The following IGF1R variants were observed in gnomAD, a reference collection of about 807,000 sequenced individuals.
The protein encoded by IGF1R is insulin like growth factor 1 receptor.
IGF1R carries 44 observed loss-of-function variants against 144.6 expected under a neutral mutation model. The observed-to-expected ratio is 0.30, with a 90% CI of 0.24 to 0.39. The LOEUF (loss-of-function observed/expected upper bound fraction) is 0.39. Ranked by LOEUF, IGF1R falls within the 10% of genes least tolerant of loss-of-function variation. The probability of loss-of-function intolerance (pLI) is 1.00; values close to 1 mark genes in which losing one functional copy is unlikely to be tolerated. For missense variants in IGF1R, 1,355 were observed against 1,833.7 expected, an observed-to-expected ratio of 0.74 and a Z score of 4.77; for synonymous variants, 795 against 722.8, an observed-to-expected ratio of 1.10 and a Z score of -1.60.
chr15:98,875,546 CT>C (rs531702468), intron 2 of IGF1R, among the ~76,000 whole-genome samples: 169 of 144,270 alleles, frequency 1.2e-3, no homozygotes, highest in Admixed American at 1.3e-3. Context: ...TGTGTATGAA[CT>C]TTTTTTTTTT....
At chr15:98,855,830 T>C (rs1304324375) in intron 2 of IGF1R, among the ~76,000 whole-genome samples, 1 of 152,210 alleles carries the variant, frequency 6.6e-6, no homozygotes, top group African/African-American at 2.4e-5. Context: ...GCACTGTGTT[T>C]TTAAAACAGT....
In IGF1R at chr15:98,701,274, A is replaced by AT. The variant is rs561793037; in HGVS notation, c.95-6286dup. The stretch of plus-strand genomic sequence containing the variant: ...GTAGACCTGTAGTAAAAGAAGGCTA[A>AT]TTATGTTTCCTGATGTCTTTTATTT... On this transcript the variant is annotated intron_variant, in intron 1 of 20. Transcript: ENST00000650285. Among the ~76,000 whole-genome samples the AT allele has an allele frequency of 7.1e-4, 107 of 150,756 alleles. 5 individuals are homozygous for AT. In the South Asian group the frequency reaches 0.021, roughly 29 times the overall value.
At chr15:98,663,480 G>T (rs1399339086) in intron 1 of IGF1R, among the ~76,000 whole-genome samples, 2 of 152,216 alleles carry the variant, frequency 1.3e-5, no homozygotes, top group African/African-American at 4.8e-5. Context: ...TTTATTAGGG[G>T]CATCATGGAT....
At chr15:98,802,757 A>G (rs2056388719) in intron 2 of IGF1R, among the ~76,000 whole-genome samples, 1 of 152,226 alleles carries the variant, frequency 6.6e-6, no homozygotes, top group Admixed American at 6.5e-5. Context: ...TCAAAGCACA[A>G]GATATTTTTT....
At chr15:98,725,656 C>T (rs747793257) in intron 2 of IGF1R, among the ~76,000 whole-genome samples, 3 of 152,198 alleles carry the variant, frequency 2.0e-5, no homozygotes, top group Admixed American at 1.3e-4. Flanking sequence ...CCCCACTCCC[C>T]GTCTGGATTC....
At position 98,962,315 on chromosome 15, in the gene IGF1R, TTGTTCTTTTCGTTAA is replaced by T. The variant is rs920011878; in HGVS notation, c.*4879_*4893del. On this transcript the variant is annotated 3_prime_UTR_variant, in exon 21 of 21. Coordinates refer to ENST00000650285, the MANE Select transcript of IGF1R (RefSeq NM_000875.5). The stretch of plus-strand genomic sequence containing the variant: ...CAGTTATGCATTTCAAGTTTGGGGT[TTGTTCTTTTCGTTAA>T]TGTTCCTCTGTGTTGTCAGCTGTCT... 1.7e-5 allele frequency: 4 copies of T among 233,492 alleles called. No homozygotes were observed. Among genetic ancestry groups the T allele is most frequent in the African/African-American group, 6.6e-5 (3 of 45,494 alleles). 14.5% of individuals were successfully genotyped at this position (233,492 alleles called of 1,614,324 possible). A position where few individuals can be genotyped will look rare whatever the true frequency, so the allele number is the denominator to read the frequency against.
At chr15:98,808,836 T>C (rs2141452266) in intron 2 of IGF1R, among the ~76,000 whole-genome samples, 1 of 152,210 alleles carries the variant, frequency 6.6e-6, no homozygotes, top group Non-Finnish European at 1.5e-5. Flanking sequence ...TGCACCACCA[T>C]GTCTGGCTAA....
At position 98,649,688 on chromosome 15, in the gene IGF1R, C is replaced by T; in HGVS notation, c.94+13C>T. 1.9e-6 allele frequency: 3 copies of T among 1,594,136 alleles called. No individual in the cohort carries two copies. The highest frequency in any genetic ancestry group is 2.6e-6 in the Non-Finnish European group (3 of 1,164,468). On this transcript the variant is annotated intron_variant, in intron 1 of 20. Coordinates refer to ENST00000650285, the MANE Select transcript of IGF1R (RefSeq NM_000875.5). Reference sequence around the variant, plus strand: ...ACGAGTGGAGAAAGTGAGTATGTGCCCGCCGCCCGCGGCCACTGCGGGAAC... The same window carrying T: ...ACGAGTGGAGAAAGTGAGTATGTGCTCGCCGCCCGCGGCCACTGCGGGAAC...
At chr15:98,831,742 A>G (rs1240472050) in intron 2 of IGF1R, among the ~76,000 whole-genome samples, 10 of 152,206 alleles carry the variant, frequency 6.6e-5, no homozygotes, top group Admixed American at 6.5e-5. Context: ...GGGAAAATGA[A>G]TATTTCCCTG....
chr15:98,949,414 T>TG (rs1210232440), intron 20 of IGF1R, among the ~76,000 whole-genome samples: 1 of 149,078 alleles, frequency 6.7e-6, no homozygotes, highest in Non-Finnish European at 1.5e-5. Context: ...AGTCTCGCTC[T>TG]GTCGCCCAGG....
chr15:98,781,731 A>G (rs918815894), intron 2 of IGF1R, among the ~76,000 whole-genome samples: 7 of 152,208 alleles, frequency 4.6e-5, no homozygotes, highest in African/African-American at 1.7e-4. Flanking sequence ...TTGCATATGC[A>G]TGTCACATGC....
intron 2 of IGF1R, among the ~76,000 whole-genome samples, chr15:98,885,553 A>G (rs533782445): frequency 6.6e-6 from 1 of 152,304 alleles, no homozygotes; most frequent in East Asian, 1.9e-4. Context: ...ATCCTCCTGC[A>G]CGAGGATGCA....
chr15:98,902,661 G>A lies in IGF1R; in HGVS notation c.1247+3040G>A, dbSNP rs565794591. Among the ~76,000 whole-genome samples, 789 of 152,016 alleles carry A rather than the reference G, an allele frequency of 5.2e-3. 5 individuals carry two copies. The highest frequency in any genetic ancestry group is 8.6e-3 in the Non-Finnish European group (583 of 67,986). ...AAACTCCTGACCTTGTGATCCGCCC[G>A]CCTCAGCCTCCCAATGTGCTGGGAT... On this transcript the variant is annotated intron_variant, in intron 5 of 20. Coordinates refer to ENST00000650285, the MANE Select transcript of IGF1R (RefSeq NM_000875.5).
At chr15:98,873,345 G>A (rs1199536803) in intron 2 of IGF1R, among the ~76,000 whole-genome samples, 2 of 152,074 alleles carry the variant, frequency 1.3e-5, no homozygotes, top group African/African-American at 2.4e-5. Flanking sequence ...AAATAGATTT[G>A]TATTTTTGAT....
chr15:98,795,946 A>ATTTACTT (rs1311864713), intron 2 of IGF1R, among the ~76,000 whole-genome samples: 5 of 152,200 alleles, frequency 3.3e-5, no homozygotes, highest in African/African-American at 1.2e-4. Flanking sequence ...AAGATTTATA[A>ATTTACTT]TTTACTTTTT....
chr15:98,834,269 G>A (rs541789700), intron 2 of IGF1R, among the ~76,000 whole-genome samples: 75 of 152,318 alleles, frequency 4.9e-4, no homozygotes, highest in African/African-American at 1.7e-3. Context: ...TGGCATCAGT[G>A]GAGCCTCAGC....
intron 2 of IGF1R, among the ~76,000 whole-genome samples, chr15:98,755,090 C>G (rs1033159649): frequency 6.6e-6 from 1 of 152,052 alleles, no homozygotes; most frequent in African/African-American, 2.4e-5. Context: ...AATTGTGTGT[C>G]CTCGTTAATC....
intron 1 of IGF1R, among the ~76,000 whole-genome samples, chr15:98,649,961 G>A (rs2052308773): frequency 6.6e-6 from 1 of 152,218 alleles, no homozygotes; most frequent in African/African-American, 2.4e-5. Flanking sequence ...CCGGCTAGGC[G>A]CGAGGACTCG....
chr15:98,781,544 A>T (rs2055861360), intron 2 of IGF1R, among the ~76,000 whole-genome samples: 1 of 152,108 alleles, frequency 6.6e-6, no homozygotes. Context: ...TATTTACCTG[A>T]GCTTTTTGTA....
Sources: gnomAD v4.1 joint callset for allele counts (sites outside exome capture counted in the v4.1 genomes callset) on GRCh38, gnomAD v4.1.1 for gene constraint, MANE v1.5 for transcripts, NCBI Gene and HGNC (gene_info 2026-07-23, HGNC 2026-07-21) for gene names.